PSMD14: variants seen among roughly 807,000 people sequenced by gnomAD.
PSMD14 encodes the protein ubiquitin C-terminal hydrolase PSMD14.
Under a neutral mutation model 41.2 loss-of-function variants are expected in PSMD14, and 7 were observed. That is an observed-to-expected ratio of 0.17 (90% CI 0.10 to 0.32). The LOEUF (loss-of-function observed/expected upper bound fraction) is 0.32. Among genes scored for constraint, PSMD14 ranks in the 10% least tolerant of loss-of-function variants. The probability of loss-of-function intolerance (pLI) is 1.00; values close to 1 mark genes in which losing one functional copy is unlikely to be tolerated. For missense variants in PSMD14, 139 were observed against 375.6 expected (o/e 0.37, Z 5.21); for synonymous variants, 114 against 122.3 (o/e 0.93, Z 0.45).
chr2:161,389,889 G>GTTGTTTTTTTT, intron 8 of PSMD14, among the ~76,000 whole-genome samples: 218 of 20,032 alleles, frequency 0.011, 73 homozygotes, highest in Non-Finnish European at 0.014. Flanking sequence ...CTTTTTTGTT[G>GTTGTTTTTTTT]TTTTTTTTTT....
intron 3 of PSMD14, among the ~76,000 whole-genome samples, chr2:161,338,129 C>T (rs1018630554): frequency 6.6e-6 from 1 of 152,110 alleles, no homozygotes; most frequent in South Asian, 2.1e-4. Flanking sequence ...AGCACATAGC[C>T]TTGTGGTGAG....
At chr2:161,355,151 G>A (rs951481615) in intron 3 of PSMD14, among the ~76,000 whole-genome samples, 3 of 152,076 alleles carry the variant, frequency 2.0e-5, no homozygotes, top group African/African-American at 7.2e-5. Context: ...CTTGTCTCTT[G>A]CTAATCAAAT....
At chr2:161,346,374 C>A (rs1053646087) in intron 3 of PSMD14, among the ~76,000 whole-genome samples, 1 of 151,880 alleles carries the variant, frequency 6.6e-6, no homozygotes, top group Non-Finnish European at 1.5e-5. Flanking sequence ...TTATTTGGGT[C>A]ATTTTTATGT....
intron 7 of PSMD14, among the ~76,000 whole-genome samples, chr2:161,372,738 T>G (rs1426031078): frequency 6.6e-6 from 1 of 152,042 alleles, no homozygotes; most frequent in African/African-American, 2.4e-5. Context: ...TTAAGTTTAA[T>G]TCTCTATTTT....
At chr2:161,387,949 T>C (rs1683655590) in intron 8 of PSMD14, among the ~76,000 whole-genome samples, 1 of 152,008 alleles carries the variant, frequency 6.6e-6, no homozygotes, top group African/African-American at 2.4e-5. Context: ...CTCTAGGCTT[T>C]TATATTAATA....
chr2:161,402,823 TAAA>T (rs750852530), intron 10 of PSMD14, among the ~76,000 whole-genome samples: 12 of 152,032 alleles, frequency 7.9e-5, no homozygotes, highest in Admixed American at 5.2e-4. Context: ...TACAAACACA[TAAA>T]AAAGATGTTC....
At chr2:161,356,470 A>AT (rs1286984252) in intron 3 of PSMD14, among the ~76,000 whole-genome samples, 2 of 152,120 alleles carry the variant, frequency 1.3e-5, no homozygotes, top group Non-Finnish European at 2.9e-5. Context: ...AGGAAACTGA[A>AT]TGTAGTGGTT....
chr2:161,372,005 C>G (rs1683441863), intron 7 of PSMD14, among the ~76,000 whole-genome samples: 1 of 150,986 alleles, frequency 6.6e-6, no homozygotes, highest in South Asian at 2.1e-4. Flanking sequence ...GCCCCATATG[C>G]CATTTTCCTA....
At chr2:161,324,146 C>T (rs1054723650) in intron 3 of PSMD14, among the ~76,000 whole-genome samples, 15 of 152,186 alleles carry the variant, frequency 9.9e-5, no homozygotes, top group African/African-American at 3.4e-4. Context: ...AACTTGTCTT[C>T]AGTTTTAATT....
At chr2:161,404,687 A>G (rs1347874487) in intron 10 of PSMD14, among the ~76,000 whole-genome samples, 1 of 151,796 alleles carries the variant, frequency 6.6e-6, no homozygotes, top group Non-Finnish European at 1.5e-5. Flanking sequence ...TGAGTGATTT[A>G]TTTTCTTAGT....
intron 1 of PSMD14, among the ~76,000 whole-genome samples, chr2:161,310,170 G>A (rs1337765916): frequency 6.6e-6 from 1 of 152,104 alleles, no homozygotes; most frequent in Non-Finnish European, 1.5e-5. Context: ...AGAAAAAGCT[G>A]AATTTTAATC....
At chr2:161,409,179 T>C (rs978604439) in intron 11 of PSMD14, among the ~76,000 whole-genome samples, 13 of 152,096 alleles carry the variant, frequency 8.5e-5, no homozygotes, top group African/African-American at 3.1e-4. Flanking sequence ...TTAAGTATTA[T>C]TTTTACCTAC....
At chr2:161,357,262 A>G (rs960408310) in intron 3 of PSMD14, among the ~76,000 whole-genome samples, 1 of 152,010 alleles carries the variant, frequency 6.6e-6, no homozygotes, top group East Asian at 1.9e-4. Flanking sequence ...GTGTCACATC[A>G]TAACTCATTG....
At chr2:161,320,248 T>G (rs918365433) in intron 3 of PSMD14, among the ~76,000 whole-genome samples, 1 of 152,198 alleles carries the variant, frequency 6.6e-6, no homozygotes, top group African/African-American at 2.4e-5. Context: ...TGTATCAAAT[T>G]TAAATATAAA....
rs146774175 is a variant in PSMD14, at chr2:161,351,997, C to T, written c.49-15481C>T. Among the ~76,000 whole-genome samples the T allele has an allele frequency of 6.0e-3, 920 of 152,270 alleles. 8 individuals are homozygous for T. The highest frequency in any genetic ancestry group is 0.011 in the Non-Finnish European group (729 of 68,016). ...TCTAGCCTGATTAGTCTCTCTACTT[C>T]ATATATCTATGATAATTTGTAAACC... On this transcript the variant is annotated intron_variant, in intron 3 of 11. Coordinates refer to ENST00000409682, the MANE Select transcript of PSMD14 (RefSeq NM_005805.6).
At chr2:161,360,700 C>A (rs1683278253) in intron 3 of PSMD14, among the ~76,000 whole-genome samples, 1 of 152,042 alleles carries the variant, frequency 6.6e-6, no homozygotes, top group South Asian at 2.1e-4. Flanking sequence ...CCACACCTAG[C>A]TAATTTTTTG....
intron 1 of PSMD14, among the ~76,000 whole-genome samples, chr2:161,314,028 A>C (rs1241798697): frequency 6.6e-6 from 1 of 152,232 alleles, no homozygotes; most frequent in Non-Finnish European, 1.5e-5. Context: ...TTTTGAAAAC[A>C]TTGAGAGCTC....
At chr2:161,340,966 C>T (rs984103391) in intron 3 of PSMD14, 7 of 1,613,068 alleles carry the variant, frequency 4.3e-6, no homozygotes, top group Non-Finnish European at 5.9e-6. Flanking sequence ...TTCTCACCAT[C>T]CAAGTCCTGC....
Position 161,360,368 on chromosome 2 carries a change from T to G in PSMD14, c.49-7110T>G, listed in dbSNP as rs76888861. 1.0e-4 allele frequency among the ~76,000 whole-genome samples: 8 copies of G among 77,426 alleles called. No individual in the cohort carries two copies. The South Asian group carries it at 1.6e-3, about 15-fold the overall frequency. 50.8% of individuals were successfully genotyped at this position (77,426 alleles called of 152,430 possible). A position where few individuals can be genotyped will look rare whatever the true frequency, so the allele number is the denominator to read the frequency against. ...TGCCTGGCTGAGCCTTTCATATTGT[T>G]TTTTTTTTTTTTTCACCCGCTCTGT... On this transcript the variant is annotated intron_variant, in intron 3 of 11. Coordinates refer to ENST00000409682, the MANE Select transcript of PSMD14 (RefSeq NM_005805.6).
Sources: allele counts gnomAD v4.1 joint callset (sites outside exome capture counted in the v4.1 genomes callset), GRCh38; gene constraint gnomAD v4.1.1; transcripts MANE v1.5; gene names NCBI Gene and HGNC (gene_info 2026-07-23, HGNC 2026-07-21).